The following LRP2 variants were observed in gnomAD, a reference collection of about 807,000 sequenced individuals.
LRP2 encodes the protein LDL receptor related protein 2.
LRP2 carries 172 observed loss-of-function variants against 531.0 expected under a neutral mutation model. The observed-to-expected ratio is 0.32, with a 90% confidence interval of 0.29 to 0.37. LRP2 has a LOEUF of 0.37. Among genes scored for constraint, LRP2 ranks in the 10% least tolerant of loss-of-function variants. LRP2 has a pLI of 1.00. For missense variants in LRP2, 5,167 were observed against 5,868.3 expected, an observed-to-expected ratio of 0.88 and a Z score of 3.90; for synonymous variants, 1,992 against 2,027.6, an observed-to-expected ratio of 0.98 and a Z score of 0.47.
At chr2:169,266,882 CCT>C (rs1491539733) in intron 16 of LRP2, among the ~76,000 whole-genome samples, 2 of 100,028 alleles carry the variant, frequency 2.0e-5, no homozygotes, top group African/African-American at 6.8e-5. Flanking sequence ...ACGTTTGTAA[CCT>C]TTTTTTTTTT....
intron 14 of LRP2, among the ~76,000 whole-genome samples, chr2:169,273,686 C>A (rs1027916267): frequency 2.0e-5 from 3 of 152,148 alleles, no homozygotes; most frequent in African/African-American, 2.4e-5. Flanking sequence ...TTAGGAAGAG[C>A]ACTGCCACAG....
chr2:169,326,211 C>A (rs1454214028), intron 1 of LRP2, among the ~76,000 whole-genome samples: 1 of 120,460 alleles, frequency 8.3e-6, no homozygotes, highest in Non-Finnish European at 1.7e-5. Flanking sequence ...CCCCTCTCCC[C>A]TCTCCCTCTC....
chr2:169,193,600 G>A (rs1049447815), intron 47 of LRP2, among the ~76,000 whole-genome samples, 161 bp downstream of exon 47: 7 of 151,920 alleles, frequency 4.6e-5, no homozygotes, highest in African/African-American at 1.5e-4. Flanking sequence ...TTAAGTGGAT[G>A]ATATCAAACA....
At chr2:169,239,089 T>G (rs1689711377) in intron 26 of LRP2, among the ~76,000 whole-genome samples, 1 of 152,168 alleles carries the variant, frequency 6.6e-6, no homozygotes, top group Non-Finnish European at 1.5e-5. Context: ...AAACTTTCTG[T>G]TTTTGTTTTA....
At chr2:169,265,241 A>T (rs778158518) in intron 16 of LRP2, among the ~76,000 whole-genome samples, 2 of 152,066 alleles carry the variant, frequency 1.3e-5, no homozygotes, top group Non-Finnish European at 2.9e-5. Flanking sequence ...AAATGGAGGC[A>T]TCTATGAAGG....
rs150920674 is a variant in LRP2, at chr2:169,175,328, G to A, written c.10633C>T (p.Leu3545=). The change falls in exon 55 of 79, where the codon CTG becomes TTG. Residue 3545 remains leucine (L), a synonymous_variant. Coordinates refer to ENST00000649046, the MANE Select transcript of LRP2 (RefSeq NM_004525.3). The part of the protein sequence containing the change: ...QKDCSDGSDE[L]ALCPQRFCRL... ...CAGAAGCGCTGCGGGCAAAGGGCCAGTTCATCAGAGCCATCTGAGCAGTCT... is the reference window on the plus strand; with the variant it reads ...CAGAAGCGCTGCGGGCAAAGGGCCAATTCATCAGAGCCATCTGAGCAGTCT... 1 of 1,614,210 alleles carries A rather than the reference G, an allele frequency of 6.2e-7. No individual in the cohort carries two copies. Among genetic ancestry groups the A allele is most frequent in the African/African-American group, 1.3e-5 (1 of 75,056 alleles).
At chr2:169,193,437 A>C (rs1459788075) in intron 47 of LRP2, among the ~76,000 whole-genome samples, 2 of 150,694 alleles carry the variant, frequency 1.3e-5, no homozygotes. Flanking sequence ...TCAAAAAAAA[A>C]AAAAAAGAAA....
chr2:169,241,045 C>T lies in LRP2; in HGVS notation c.3988G>A (p.Val1330Ile). 6.2e-7 allele frequency: 1 copy of T among 1,614,148 alleles called. No homozygotes were observed. Among genetic ancestry groups the T allele is most frequent in the South Asian group, 1.1e-5 (1 of 91,078 alleles). Residue 1330 changes from valine (V) to isoleucine (I), a missense_variant, in exon 25 of 79, where the codon GTA (valine) becomes ATA (isoleucine). By Grantham distance (29) the Val-to-Ile change is conservative. Coordinates refer to ENST00000649046, the MANE Select transcript of LRP2 (RefSeq NM_004525.3). ...LGHNICVNLSVVCDGIFDCPN... is the reference protein window; with the variant it reads ...LGHNICVNLSIVCDGIFDCPN... ...CAGTCAAAGATGCCATCACACACTA[C>T]ACTCAGATTCACACAGATGTTATGG...
intron 9 of LRP2, among the ~76,000 whole-genome samples, chr2:169,284,218 C>T (rs931381207): frequency 6.6e-6 from 1 of 150,974 alleles, no homozygotes; most frequent in African/African-American, 2.4e-5. Flanking sequence ...CACCAAAAGG[C>T]CAAGTTTCTT....
intron 3 of LRP2, among the ~76,000 whole-genome samples, chr2:169,312,279 T>G (rs1179725718): frequency 6.6e-6 from 1 of 152,134 alleles, no homozygotes; most frequent in East Asian, 1.9e-4. Flanking sequence ...CGTTAGTTGA[T>G]GCAGTTTCTT....
chr2:169,280,467 A>G lies in LRP2; in HGVS notation c.1224T>C (p.Asp408=). 1 of 1,614,200 alleles carries G rather than the reference A, an allele frequency of 6.2e-7. No homozygotes were observed. The highest frequency in any genetic ancestry group is 1.1e-5 in the South Asian group (1 of 91,086). The change falls in exon 11 of 79, where the codon GAT becomes GAC. Residue 408 remains aspartate, a synonymous_variant. Coordinates refer to ENST00000649046, the MANE Select transcript of LRP2 (RefSeq NM_004525.3). ...GGATCCGGAAGCTCCTTCCATGAAT[A>G]TCACCAATTAACAAATCCCGACCAT... ...FSNGRDLLIG[D]IHGRSFRILV...
intron 33 of LRP2, 24 bp downstream of exon 33, chr2:169,225,286 T>C: frequency 6.2e-7 from 1 of 1,609,276 alleles, no homozygotes; most frequent in Non-Finnish European, 8.5e-7. Context: ...AATGTTTGTG[T>C]AAGTAGTATT....
chr2:169,188,380 G>A (rs1455710136), intron 48 of LRP2, 115 bp from the exon 49 acceptor site: 14 of 972,214 alleles, frequency 1.4e-5, no homozygotes, highest in African/African-American at 8.0e-5. Flanking sequence ...CAACCATTTC[G>A]ACAAGATCAC....
chr2:169,341,482 T>TA lies in LRP2; in HGVS notation c.80-20599dup, dbSNP rs150025166. Among the ~76,000 whole-genome samples the TA allele has an allele frequency of 7.1e-3, 1,077 of 152,228 alleles. 8 individuals carry two copies. The highest frequency in any genetic ancestry group is 0.025 in the African/African-American group (1,021 of 41,540). On this transcript the variant is annotated intron_variant, in intron 1 of 78. Transcript: ENST00000649046. ...CCAATCTACAAAGGCATCCTAATTT[T>TA]AAAAAAATTTCATCAAATATTTTCC...
At chr2:169,164,235 C>A (rs1234701470) in intron 62 of LRP2, among the ~76,000 whole-genome samples, 1 of 152,160 alleles carries the variant, frequency 6.6e-6, no homozygotes, top group Non-Finnish European at 1.5e-5. Context: ...CTATCAGGCA[C>A]AGAAGGCACT....
At chr2:169,180,001 C>T (rs902294053) in intron 52 of LRP2, among the ~76,000 whole-genome samples, 5 of 152,036 alleles carry the variant, frequency 3.3e-5, no homozygotes, top group Admixed American at 6.6e-5. Flanking sequence ...AATCCATCTA[C>T]GTAAATAATC....
chr2:169,330,094 ACCACCCTG>A (rs1450753279), intron 1 of LRP2, among the ~76,000 whole-genome samples: 1 of 151,826 alleles, frequency 6.6e-6, no homozygotes, highest in Admixed American at 6.6e-5. Context: ...CTCCCCCACC[ACCACCCTG>A]CTGTCCATGG....
chr2:169,270,855 C>T lies in LRP2; in HGVS notation c.2320+49G>A, dbSNP rs553540036. The stretch of plus-strand genomic sequence containing the variant: ...AAGTTGTAAGTATCATTACAATAAA[C>T]AGGCAAAACACGCATACACACACAC... On this transcript the variant is annotated intron_variant, in intron 16 of 78. Coordinates refer to ENST00000649046, the MANE Select transcript of LRP2 (RefSeq NM_004525.3). 16 of 1,415,020 alleles carry T rather than the reference C, an allele frequency of 1.1e-5. No individual in the cohort carries two copies. The South Asian group carries it at 1.6e-4, about 14-fold the overall frequency. The allele number at this position is 1,415,020 out of a possible 1,614,324, so 87.7% of individuals were successfully genotyped here.
At chr2:169,184,413 C>T (rs891335720) in intron 50 of LRP2, among the ~76,000 whole-genome samples, 5 of 152,164 alleles carry the variant, frequency 3.3e-5, no homozygotes, top group African/African-American at 1.2e-4. Context: ...AGGATCTTTA[C>T]CCTTAAGGGA....
Sources: allele counts gnomAD v4.1 joint callset (sites outside exome capture counted in the v4.1 genomes callset), GRCh38; gene constraint gnomAD v4.1.1; transcripts MANE v1.5; gene names NCBI Gene and HGNC (gene_info 2026-07-23, HGNC 2026-07-21).